CTPS2: variants seen among roughly 807,000 people sequenced by gnomAD.
CTPS2 encodes CTP synthase II.
Under a neutral mutation model 46.8 loss-of-function variants are expected in CTPS2, and 19 were observed. The observed-to-expected ratio is 0.41, with a 90% CI of 0.28 to 0.60. The LOEUF (loss-of-function observed/expected upper bound fraction) is 0.60. Among genes scored for constraint, CTPS2 ranks in the 20% least tolerant of loss-of-function variants. The pLI, the probability that CTPS2 is intolerant of heterozygous loss-of-function variation, is 0.35. For missense variants in CTPS2, 286 were observed against 447.6 expected (o/e 0.64, Z 3.26); for synonymous variants, 151 against 165.2 (o/e 0.91, Z 0.66).
rs1171205061 is a variant in CTPS2, at chrX:16,617,265, A to G, written c.1450-19T>C. 1 of 1,146,311 alleles carries G rather than the reference A, an allele frequency of 8.7e-7. No homozygotes were observed. The allele number at this position is 1,146,311 out of a possible 1,213,427, so 94.5% of individuals were successfully genotyped here. ...GGTTTACCTGCAAAACAAGAAATTAAGTGTTTATGGGCCACAGTGCAATAC... is the reference window on the plus strand; with the variant it reads ...GGTTTACCTGCAAAACAAGAAATTAGGTGTTTATGGGCCACAGTGCAATAC... On this transcript the variant is annotated intron_variant, in intron 15 of 18. Coordinates refer to ENST00000359276, the MANE Select transcript of CTPS2 (RefSeq NM_175859.3).
At chrX:16,625,556 T>C (rs763769583) in intron 14 of CTPS2, among the ~76,000 whole-genome samples, 1 of 112,099 alleles carries the variant, frequency 8.9e-6, no homozygotes, top group East Asian at 2.8e-4. Context: ...AGTGCTCTTT[T>C]AGCTCTGCCG....
chrX:16,685,258 G>A (rs776125196), intron 8 of CTPS2, among the ~76,000 whole-genome samples: 7 of 111,625 alleles, frequency 6.3e-5, no homozygotes, highest in Admixed American at 9.6e-5. Flanking sequence ...CTCTGCCCCC[G>A]GAAGGAAGCA....
intron 13 of CTPS2, 45 bp downstream of exon 13, chrX:16,667,469 C>T: frequency 8.4e-7 from 1 of 1,184,496 alleles, no homozygotes; most frequent in Non-Finnish European, 1.1e-6. Context: ...GAGCCAGGAC[C>T]CAAGTGACAA....
Position 16,662,526 on chromosome X carries a change from G to C in CTPS2, c.1296+4988C>G, listed in dbSNP as rs1389342237. 3.6e-5 allele frequency among the ~76,000 whole-genome samples: 4 copies of C among 110,651 alleles called. No homozygotes were observed. In the East Asian group the frequency reaches 1.1e-3, roughly 31 times the overall value. On this transcript the variant is annotated intron_variant, in intron 13 of 18. Coordinates refer to ENST00000359276, the MANE Select transcript of CTPS2 (RefSeq NM_175859.3). ...GGAGGGTCATGATGACCTATGAAGA[G>C]ATCTTAGGAGTAAATATTCCCTATA...
chrX:16,687,390 G>A (rs982964449), intron 8 of CTPS2, among the ~76,000 whole-genome samples: 3 of 102,471 alleles, frequency 2.9e-5, no homozygotes, highest in Admixed American at 1.1e-4. Context: ...CAGGAGGATC[G>A]CTTGAGCCCA....
chrX:16,704,326 TA>T (rs922045269), intron 1 of CTPS2, among the ~76,000 whole-genome samples: 7 of 109,780 alleles, frequency 6.4e-5, no homozygotes, highest in Admixed American at 9.8e-5. Flanking sequence ...AATTTGGTGT[TA>T]AAAAAAAATG....
At chrX:16,703,022 ATTTTTT>A in intron 1 of CTPS2, 81 bp from the exon 2 acceptor site, 3 of 451,244 alleles carry the variant, frequency 6.6e-6, no homozygotes, top group Admixed American at 4.8e-5. Context: ...ACCAGAATTA[ATTTTTT>A]TTTTTTTTTT....
At chrX:16,632,532 C>T (rs1367696664) in intron 14 of CTPS2, among the ~76,000 whole-genome samples, 2 of 109,999 alleles carry the variant, frequency 1.8e-5, no homozygotes, top group Non-Finnish European at 1.9e-5. Context: ...AGCTATTCTC[C>T]TGCCTCAGCC....
intron 9 of CTPS2, among the ~76,000 whole-genome samples, 160 bp downstream of exon 9, chrX:16,682,934 T>G (rs1279268305): frequency 9.0e-6 from 1 of 110,499 alleles, no homozygotes; most frequent in Non-Finnish European, 1.9e-5. Context: ...TAATAAATCT[T>G]AGCTATGAGT....
rs10643985 is a variant in CTPS2 at position 16,595,162 on chromosome X, TACACACACAC to T, written c.1692-4310_1692-4301del. ...TAACCTATCTTTTTCAGCAATCTTT[TACACACACAC>T]ACACACACACACACACACACGTTTC... On this transcript the variant is annotated intron_variant, in intron 17 of 18. Transcript: ENST00000359276. 2.9e-5 allele frequency among the ~76,000 whole-genome samples: 3 copies of T among 102,702 alleles called. No homozygotes were observed. The East Asian group carries it at 9.1e-4, about 31-fold the overall frequency. 89.2% of individuals were successfully genotyped at this position (102,702 alleles called of 115,157 possible). A position where few individuals can be genotyped will look rare whatever the true frequency, so the allele number is the denominator to read the frequency against.
chrX:16,673,810 T>G (rs150946000), intron 10 of CTPS2, among the ~76,000 whole-genome samples: 180 of 111,893 alleles, frequency 1.6e-3, no homozygotes, highest in Middle Eastern at 0.014. Context: ...CTTTGACTCT[T>G]GAAAATTGTT....
At chrX:16,697,824 A>G (rs921020614) in intron 4 of CTPS2, among the ~76,000 whole-genome samples, 8 of 111,586 alleles carry the variant, frequency 7.2e-5, no homozygotes, top group Non-Finnish European at 1.5e-4. Context: ...GTCTCTTTAC[A>G]CTTCCAAAGC....
chrX:16,652,254 T>C (rs62589078), intron 13 of CTPS2, among the ~76,000 whole-genome samples: 3,756 of 112,062 alleles, frequency 0.034, 80 homozygotes, highest in Non-Finnish European at 0.053. Context: ...GAAGTGACTA[T>C]GGAATTGTTT....
At chrX:16,654,371 C>A in intron 13 of CTPS2, 2 of 960,626 alleles carry the variant, frequency 2.1e-6, no homozygotes, top group Non-Finnish European at 2.9e-6. Context: ...TTTTTTCTCC[C>A]CTCCCTTCTC....
chrX:16,594,279 G>A (rs1569186036), intron 17 of CTPS2, among the ~76,000 whole-genome samples: 1 of 110,812 alleles, frequency 9.0e-6, no homozygotes, highest in South Asian at 3.8e-4. Flanking sequence ...CCATCTCTAA[G>A]CCTGGGGAAG....
chrX:16,621,446 T>TATAATA lies in CTPS2; in HGVS notation c.1394-1120_1394-1115dup, dbSNP rs10666371. Among the ~76,000 whole-genome samples the TATAATA allele has an allele frequency of 8.9e-3, 912 of 102,841 alleles. 4 individuals carry two copies. The highest frequency in any genetic ancestry group is 0.02 in the African/African-American group (554 of 28,312). 89.3% of individuals were successfully genotyped at this position (102,841 alleles called of 115,157 possible). On this transcript the variant is annotated intron_variant, in intron 14 of 18. Coordinates refer to ENST00000359276, the MANE Select transcript of CTPS2 (RefSeq NM_175859.3). Reference sequence around the variant, plus strand: ...TGCACATGTACCCTAGAACTTAAAGTATAATAATAATAATAATAATAATAA... The same window carrying TATAATA: ...TGCACATGTACCCTAGAACTTAAAGTATAATAATAATAATAATAATAATAATAATAA...
intron 13 of CTPS2, among the ~76,000 whole-genome samples, chrX:16,641,668 G>A (rs748361501): frequency 2.7e-5 from 3 of 112,248 alleles, no homozygotes; most frequent in African/African-American, 3.2e-5. Context: ...CCTAGGAGGC[G>A]GAGGTTGCAG....
intron 4 of CTPS2, 112 bp downstream of exon 4, chrX:16,698,124 G>C: frequency 5.4e-6 from 3 of 559,016 alleles, no homozygotes; most frequent in South Asian, 2.7e-5. Flanking sequence ...CCACCTCCTA[G>C]CCCAGTGTCC....
chrX:16,647,005 T>C (rs1281114870), intron 13 of CTPS2, among the ~76,000 whole-genome samples: 1 of 111,764 alleles, frequency 8.9e-6, no homozygotes, highest in East Asian at 2.8e-4. Context: ...TAATTATCAC[T>C]TGTCTCCATA....
Sources: allele counts gnomAD v4.1 joint callset (sites outside exome capture counted in the v4.1 genomes callset), GRCh38; gene constraint gnomAD v4.1.1; transcripts MANE v1.5; gene names NCBI Gene and HGNC (gene_info 2026-07-23, HGNC 2026-07-21).